Variants in ZSCAN32 observed in about 807,000 individuals in gnomAD.
ZSCAN32 encodes zinc finger and SCAN domain-containing protein 32.
Under a neutral mutation model 47.4 loss-of-function variants are expected in ZSCAN32, and 52 were observed. The observed-to-expected ratio is 1.10, with a 90% confidence interval of 0.88 to 1.38. The LOEUF (loss-of-function observed/expected upper bound fraction) is 1.38. ZSCAN32 is among the 40% of genes most tolerant of loss of function. The pLI, the probability that ZSCAN32 is intolerant of heterozygous loss-of-function variation, is 0.00. For missense variants in ZSCAN32, 959 were observed against 846.0 expected (o/e 1.13, Z -1.66); for synonymous variants, 346 against 305.7 (o/e 1.13, Z -1.38).
intron 5 of ZSCAN32, among the ~76,000 whole-genome samples, chr16:3,388,203 T>C (rs759386995): frequency 6.6e-6 from 1 of 152,212 alleles, no homozygotes; most frequent in Non-Finnish European, 1.5e-5. Flanking sequence ...CTTTCTGAGC[T>C]CGTTTTCTCA....
Position 3,382,976 on chromosome 16 carries a change from C to T in ZSCAN32, c.1970G>A (p.Gly657Asp), listed in dbSNP as rs2031403177. ...GTGAGAACACCTGTAAGGCTTTTCACCAGTGTGGGTTTTTCGGTGGGCACT... is the reference window on the plus strand; with the variant it reads ...GTGAGAACACCTGTAAGGCTTTTCATCAGTGTGGGTTTTTCGGTGGGCACT... ...HFSAHRKTHT[G>D]EKPYRCSHCE... Residue 657 changes from glycine to aspartate, a missense_variant, in exon 7 of 7, where the codon GGT becomes GAT. Transcript: ENST00000396852. The T allele has an allele frequency of 1.2e-6, 2 of 1,613,980 alleles. No homozygotes were observed. The highest frequency in any genetic ancestry group is 1.7e-6 in the Non-Finnish European group (2 of 1,179,998).
At position 3,384,791 on chromosome 16, in the gene ZSCAN32, C is replaced by A; in HGVS notation, c.902G>T (p.Arg301Leu). The A allele has an allele frequency of 1.2e-6, 2 of 1,614,156 alleles. No homozygotes were observed. The highest frequency in any genetic ancestry group is 2.2e-5 in the South Asian group (2 of 91,086). ...AEGLWEQGFL[R>L]TPEQCRTKFK... Reference sequence around the variant, plus strand: ...CTTGGTGCGACACTGTTCTGGGGTCCGCAGAAAACCCTGCTCCCAGAGTCC... The same window carrying A: ...CTTGGTGCGACACTGTTCTGGGGTCAGCAGAAAACCCTGCTCCCAGAGTCC... The change falls in exon 6 of 7, where the codon CGG becomes CTG. Residue 301 changes from arginine to leucine, a missense_variant. Physicochemically the swap from Arg to Leu is moderately radical, Grantham distance 102. Coordinates refer to ENST00000396852, the MANE Select transcript of ZSCAN32 (RefSeq NM_001284527.2).
intron 3 of ZSCAN32, among the ~76,000 whole-genome samples, chr16:3,392,272 C>A (rs1596468032): frequency 6.6e-6 from 1 of 152,028 alleles, no homozygotes; most frequent in Non-Finnish European, 1.5e-5. Context: ...TGAAACTAGA[C>A]AGAGGTGATG....
At chr16:3,388,404 C>A (rs1355911975) in intron 5 of ZSCAN32, among the ~76,000 whole-genome samples, 1 of 152,210 alleles carries the variant, frequency 6.6e-6, no homozygotes, top group African/African-American at 2.4e-5. Flanking sequence ...CTGAAAACTG[C>A]AAACCAACCT....
Position 3,397,424 on chromosome 16 carries a change from T to G in ZSCAN32, c.134A>C (p.Tyr45Ser). The change falls in exon 2 of 7, where the codon TAC (tyrosine) becomes TCC (serine). Residue 45 changes from tyrosine (Y) to serine (S), a missense_variant. Tyr to Ser is a moderately radical substitution (Grantham distance 144). Transcript: ENST00000396852. ...ASRQRFRQFC[Y>S]QEVTGPHEAF... ...TTCATGTGGGCCAGTTACCTCCTGGTAGCAAAACTGCCTGAAGCGCTGACG... is the reference window on the plus strand; with the variant it reads ...TTCATGTGGGCCAGTTACCTCCTGGGAGCAAAACTGCCTGAAGCGCTGACG... 1 of 1,551,944 alleles carries G rather than the reference T, an allele frequency of 6.4e-7. No homozygotes were observed. The highest frequency in any genetic ancestry group is 8.7e-7 in the Non-Finnish European group (1 of 1,147,820).
chr16:3,388,926 G>A (rs1410715539), intron 5 of ZSCAN32, among the ~76,000 whole-genome samples: 1 of 152,156 alleles, frequency 6.6e-6, no homozygotes, highest in African/African-American at 2.4e-5. Context: ...GGACGTGGTG[G>A]TAATTATACA....
Position 3,393,833 on chromosome 16 carries a change from A to G in ZSCAN32, c.367-19T>C, listed in dbSNP as rs1250189325. 6.6e-7 allele frequency: 1 copy of G among 1,524,652 alleles called. No individual in the cohort carries two copies. Among genetic ancestry groups the G allele is most frequent in the African/African-American group, 1.4e-5 (1 of 72,444 alleles). The allele number at this position is 1,524,652 out of a possible 1,614,324, so 94.4% of individuals were successfully genotyped here. On this transcript the variant is annotated intron_variant, in intron 2 of 6. Transcript: ENST00000396852. The stretch of plus-strand genomic sequence containing the variant: ...CTAGAACCTGAGAACAGACCCCATT[A>G]TCTATCACTACAAATTCCTGCCTAA...
In ZSCAN32 at chr16:3,383,166, C is replaced by A; in HGVS notation, c.1780G>T (p.Val594Phe). Reference protein sequence around the residue: ...KSFNQSSSLIVHQRTHTGEKP... With the variant: ...KSFNQSSSLIFHQRTHTGEKP... Reference sequence around the variant, plus strand: ...TCCCCGGTATGGGTCCTCTGGTGGACAATGAGGCTGGAACTCTGGTTGAAG... The same window carrying A: ...TCCCCGGTATGGGTCCTCTGGTGGAAAATGAGGCTGGAACTCTGGTTGAAG... Residue 594 changes from valine to phenylalanine, a missense_variant, in exon 7 of 7, where the codon GTC (valine) becomes TTC (phenylalanine). Transcript: ENST00000396852. 1.2e-6 allele frequency: 2 copies of A among 1,614,136 alleles called. No homozygotes were observed. Among genetic ancestry groups the A allele is most frequent in the Non-Finnish European group, 1.7e-6 (2 of 1,180,032 alleles).
At chr16:3,393,228 A>AT (rs1491151488) in intron 3 of ZSCAN32, among the ~76,000 whole-genome samples, 1 of 9,218 alleles carries the variant, frequency 1.1e-4, no homozygotes, top group Non-Finnish European at 1.8e-4. Flanking sequence ...ATATATATAT[A>AT]AATTTATATA....
chr16:3,392,889 G>T (rs987106883), intron 3 of ZSCAN32, among the ~76,000 whole-genome samples: 6 of 151,372 alleles, frequency 4.0e-5, no homozygotes, highest in Admixed American at 3.3e-4. Flanking sequence ...AAAAAATAGA[G>T]CTCTGGAAGA....
At chr16:3,384,388 C>T in intron 6 of ZSCAN32, 71 bp downstream of exon 6, 1 of 1,583,146 alleles carries the variant, frequency 6.3e-7, no homozygotes. Context: ...AGCTCCTACT[C>T]AACTGCTAGG....
intron 5 of ZSCAN32, among the ~76,000 whole-genome samples, chr16:3,386,290 A>C (rs1349381720): frequency 6.6e-6 from 1 of 152,194 alleles, no homozygotes; most frequent in Non-Finnish European, 1.5e-5. Context: ...GTCAGGAAAC[A>C]ACAGGTGCTG....
At chr16:3,392,336 T>C (rs1318665776) in intron 3 of ZSCAN32, among the ~76,000 whole-genome samples, 1 of 151,342 alleles carries the variant, frequency 6.6e-6, no homozygotes, top group Non-Finnish European at 1.5e-5. Context: ...ATTGAAATGG[T>C]TAATTTTATG....
chr16:3,395,146 C>T (rs1033545352), intron 2 of ZSCAN32, among the ~76,000 whole-genome samples: 3 of 152,188 alleles, frequency 2.0e-5, no homozygotes, highest in African/African-American at 7.2e-5. Flanking sequence ...CTTTCAGAGC[C>T]ATCTTCATTC....
At chr16:3,390,154 C>A in intron 4 of ZSCAN32, 21 bp from the exon 5 acceptor site, 1 of 1,588,052 alleles carries the variant, frequency 6.3e-7, no homozygotes, top group African/African-American at 1.3e-5. Flanking sequence ...ACTGGAGCTG[C>A]TGCTACCGAT....
chr16:3,385,126 C>A (rs1422719245), intron 5 of ZSCAN32, among the ~76,000 whole-genome samples, 185 bp from the exon 6 acceptor site: 2 of 152,092 alleles, frequency 1.3e-5, no homozygotes, highest in Non-Finnish European at 2.9e-5. Context: ...AGATCGAGAC[C>A]ATCCTGGCCA....
chr16:3,387,555 G>A (rs544488033), intron 5 of ZSCAN32, among the ~76,000 whole-genome samples: 145 of 152,352 alleles, frequency 9.5e-4, no homozygotes, highest in African/African-American at 3.1e-3. Flanking sequence ...GACTAGAGCT[G>A]TCCCAGCAAG....
chr16:3,400,950 AC>A lies in ZSCAN32; in HGVS notation c.-194del, dbSNP rs1259365227. ...CAAGGAAGCGGAGAACTCACCGGAC[AC>A]CAGCACTCGCGACTCCACAAACTCC... is the stretch of plus-strand genomic sequence containing the variant. On this transcript the variant is annotated 5_prime_UTR_variant, in exon 1 of 7. Transcript: ENST00000396852. 1 of 152,558 alleles carries A rather than the reference AC, an allele frequency of 6.6e-6. No individual in the cohort carries two copies. Among genetic ancestry groups the A allele is most frequent in the Non-Finnish European group, 1.5e-5 (1 of 68,226 alleles). The allele number at this position is 152,558 out of a possible 1,614,324, so 9.5% of individuals were successfully genotyped here.
At chr16:3,384,423 G>A (rs921889407) in intron 6 of ZSCAN32, 36 bp downstream of exon 6, 23 of 1,612,102 alleles carry the variant, frequency 1.4e-5, no homozygotes, top group Non-Finnish European at 1.8e-5. Context: ...AGTGGACTTT[G>A]CCATCCTTTG....
Sources: gnomAD v4.1 joint callset for allele counts (sites outside exome capture counted in the v4.1 genomes callset) on GRCh38, gnomAD v4.1.1 for gene constraint, MANE v1.5 for transcripts, NCBI Gene and HGNC (gene_info 2026-07-23, HGNC 2026-07-21) for gene names.